Variants in KIF5A observed in about 807,000 individuals in gnomAD.
The protein encoded by KIF5A is kinesin family member 5A, also known as kinesin heavy chain isoform 5A.
In KIF5A, 35 loss-of-function variants were observed where a neutral mutation model predicts 141.3. The ratio of observed to expected loss-of-function variants is 0.25; its 90% CI spans 0.19 to 0.33. The LOEUF is 0.33. KIF5A is among the 10% of genes least tolerant of loss of function. The pLI is 1.00. For missense variants in KIF5A, 861 were observed against 1,314.3 expected, an observed-to-expected ratio of 0.66 and a Z score of 5.33; for synonymous variants, 448 against 500.2, an observed-to-expected ratio of 0.90 and a Z score of 1.39.
chr12:57,583,620 T>G (rs1471982407), intron 28 of KIF5A, among the ~76,000 whole-genome samples: 1 of 152,196 alleles, frequency 6.6e-6, no homozygotes, highest in Non-Finnish European at 1.5e-5. Context: ...TTTGGATGGA[T>G]AGGTGTTTTT....
Position 57,570,005 on chromosome 12 carries a change from C to T in KIF5A, c.1136C>T (p.Thr379Ile). 1 of 1,613,680 alleles carries T rather than the reference C, an allele frequency of 6.2e-7. No individual in the cohort carries two copies. Among genetic ancestry groups the T allele is most frequent in the Non-Finnish European group, 8.5e-7 (1 of 1,179,606 alleles). The change falls in exon 12 of 29, where the codon ACA (threonine) becomes ATA (isoleucine). Residue 379 changes from threonine (T) to isoleucine (I), a missense_variant. By Grantham distance (89) the Thr-to-Ile change is moderately conservative. Around this residue, in one of 5 missense-constraint regions of KIF5A, gnomAD observed 167 missense variants for 192.0 expected, o/e 0.87. Transcript: ENST00000455537. ...RWRNGENVPETERLAGEEAAL... is the reference protein window; with the variant it reads ...RWRNGENVPEIERLAGEEAAL... Reference sequence around the variant, plus strand: ...TTTGCAGGAGAGAATGTGCCTGAGACAGAGCGCCTGGCTGGGGAGGAGGCA... The same window carrying T: ...TTTGCAGGAGAGAATGTGCCTGAGATAGAGCGCCTGGCTGGGGAGGAGGCA...
intron 15 of KIF5A, among the ~76,000 whole-genome samples, chr12:57,574,447 T>G (rs546790955): frequency 8.6e-5 from 13 of 152,002 alleles, no homozygotes; most frequent in Middle Eastern, 3.4e-3. Context: ...TAATTTTTTA[T>G]GTTTTTAGTA....
Position 57,550,542 on chromosome 12 carries a change from C to T in KIF5A, c.129+142C>T. ...CATCCTCTTCCCCGCAGCCCCTCCT[C>T]TCCCCTGCATCAGGATGGCTGGGTG... On this transcript the variant is annotated intron_variant, in intron 1 of 28. Transcript: ENST00000455537. This position sits in a 1 kb window ranked among gnomAD's most constrained non-coding sequence, Gnocchi z 4.6. 1 of 909,530 alleles carries T rather than the reference C, an allele frequency of 1.1e-6. No homozygotes were observed. Among genetic ancestry groups the T allele is most frequent in the South Asian group, 1.6e-5 (1 of 63,746 alleles). 56.3% of individuals were successfully genotyped at this position (909,530 alleles called of 1,614,324 possible). A position where few individuals can be genotyped will look rare whatever the true frequency, so the allele number is the denominator to read the frequency against.
At chr12:57,566,606 T>C (rs1481904805) in intron 6 of KIF5A, among the ~76,000 whole-genome samples, 8 of 147,288 alleles carry the variant, frequency 5.4e-5, no homozygotes, top group African/African-American at 2.0e-4. Context: ...GATGGGATTT[T>C]GCCATGTTGG....
At chr12:57,583,327 A>T in intron 28 of KIF5A, 112 bp downstream of exon 28, 2 of 680,540 alleles carry the variant, frequency 2.9e-6, no homozygotes, top group South Asian at 3.3e-5. Flanking sequence ...TCAAAACTTT[A>T]ATTATGTAGT....
chr12:57,564,311 T>C (rs1881998403), intron 4 of KIF5A, 99 bp downstream of exon 4: 1 of 1,105,364 alleles, frequency 9.0e-7, no homozygotes, highest in Non-Finnish European at 1.4e-6. Context: ...CTTGACTCCC[T>C]TTCCGGTTAC....
At position 57,572,674 on chromosome 12, in the gene KIF5A, T is replaced by C; in HGVS notation, c.1664T>C (p.Met555Thr). 6.2e-7 allele frequency: 1 copy of C among 1,614,192 alleles called. No individual in the cohort carries two copies. The highest frequency in any genetic ancestry group is 8.5e-7 in the Non-Finnish European group (1 of 1,180,034). The change falls in exon 15 of 29, where the codon ATG becomes ACG. Residue 555 changes from methionine (M) to threonine (T), a missense_variant. Met to Thr is a moderately conservative substitution (Grantham distance 81, BLOSUM62 -1). This residue lies in a region of KIF5A where 482 missense variants were observed against 661.3 expected (regional missense o/e 0.73). Transcript: ENST00000455537. The surrounding 1 kb of genome is among the most constrained non-coding windows in gnomAD (Gnocchi z 4.2). ...KRIAEVLNGL[M>T]KDLSEFSVIV... ...ATTGCTGAGGTGCTGAACGGGCTGATGAAGGATCTGAGCGAGTTCAGTGTC... is the reference window on the plus strand; with the variant it reads ...ATTGCTGAGGTGCTGAACGGGCTGACGAAGGATCTGAGCGAGTTCAGTGTC...
intron 6 of KIF5A, 84 bp from the exon 7 acceptor site, chr12:57,567,042 G>T: frequency 1.4e-6 from 1 of 709,564 alleles, no homozygotes; most frequent in Non-Finnish European, 2.1e-6. Flanking sequence ...CATCTCAAAA[G>T]AAAATAATAA....
Position 57,576,327 on chromosome 12 carries a change from G to A in KIF5A, c.2147G>A (p.Arg716Gln), listed in dbSNP as rs554894381. The A allele has an allele frequency of 3.3e-5, 53 of 1,614,018 alleles. No homozygotes were observed. The highest frequency in any genetic ancestry group is 2.2e-4 in the East Asian group (10 of 44,888). ...HREAHHRQLA[R>Q]LRDEINEKQK... ...GAGGCCCATCACCGGCAGCTGGCCC[G>A]GCTCCGGGACGAGATCAACGAGAAG... is the stretch of plus-strand genomic sequence containing the variant. The change falls in exon 19 of 29, where the codon CGG becomes CAG. Residue 716 changes from arginine (R) to glutamine (Q), a missense_variant. Physicochemically the swap from Arg to Gln is conservative, Grantham distance 43. Coordinates refer to ENST00000455537, the MANE Select transcript of KIF5A (RefSeq NM_004984.4).
intron 11 of KIF5A, 67 bp from the exon 12 acceptor site, chr12:57,569,920 A>C (rs1194676340): frequency 1.9e-6 from 3 of 1,557,752 alleles, no homozygotes; most frequent in Non-Finnish European, 1.7e-6. Context: ...ATGGTGAGTG[A>C]GAAGGAAGAA....
At chr12:57,584,182 C>G (rs1882689826) in intron 28 of KIF5A, 36 bp from the exon 29 acceptor site, 1 of 152,524 alleles carries the variant, frequency 6.6e-6, no homozygotes, top group Non-Finnish European at 1.5e-5. Flanking sequence ...GAGCTACAAG[C>G]TGGGCCCTCA....
intron 7 of KIF5A, 106 bp from the exon 8 acceptor site, chr12:57,567,388 G>C (rs1882097194): frequency 6.9e-7 from 1 of 1,452,746 alleles, no homozygotes; most frequent in Admixed American, 1.8e-5. Context: ...AGTCCTGGTG[G>C]GCACCTTCTC....
rs959687965 is a variant in KIF5A at position 57,574,967 on chromosome 12, C to G, written c.1717-117C>G. 4 of 866,122 alleles carry G rather than the reference C, an allele frequency of 4.6e-6. No individual in the cohort carries two copies. The African/African-American group carries it at 5.0e-5, about 11-fold the overall frequency. The allele number at this position is 866,122 out of a possible 1,614,324, so 53.7% of individuals were successfully genotyped here. On this transcript the variant is annotated intron_variant, in intron 15 of 28. Transcript: ENST00000455537. ...GCTGCTAAAGGTCGTTTGGAAAATACCCATCCCATTTGAGTCCCTGCGTAT... is the reference window on the plus strand; with the variant it reads ...GCTGCTAAAGGTCGTTTGGAAAATAGCCATCCCATTTGAGTCCCTGCGTAT...
At chr12:57,559,238 G>A (rs993623808) in intron 1 of KIF5A, among the ~76,000 whole-genome samples, 1 of 152,198 alleles carries the variant, frequency 6.6e-6, no homozygotes, top group African/African-American at 2.4e-5. Flanking sequence ...TTTTCGAAGT[G>A]GAGGTCATAA....
intron 17 of KIF5A, 92 bp downstream of exon 17, chr12:57,575,849 A>G (rs759646090): frequency 1.1e-5 from 11 of 1,043,566 alleles, no homozygotes; most frequent in Admixed American, 3.4e-5. Context: ...CACTCAAAGC[A>G]TTAGCTTGAA....
intron 19 of KIF5A, 119 bp downstream of exon 19, chr12:57,576,497 C>T: frequency 1.2e-6 from 1 of 821,220 alleles, no homozygotes; most frequent in South Asian, 1.4e-5. Context: ...CTCAACAATG[C>T]CACAACTTCG....
rs995328377 is a variant in KIF5A, at chr12:57,576,958, T to G, written c.2300+96T>G. 4.6e-6 allele frequency: 4 copies of G among 875,474 alleles called. No individual in the cohort carries two copies. In the African/African-American group the frequency reaches 6.6e-5, roughly 15 times the overall value. The allele number at this position is 875,474 out of a possible 1,614,324, so 54.2% of individuals were successfully genotyped here. ...CAGAGGCAGGACACACATGCAGACA[T>G]GATAGGGTGACTCATGGGAAAAATA... On this transcript the variant is annotated intron_variant, in intron 20 of 28. Transcript: ENST00000455537.
chr12:57,581,185 TAGC>T lies in KIF5A; in HGVS notation c.2755+16_2755+18del. 1.9e-6 allele frequency: 3 copies of T among 1,611,718 alleles called. No homozygotes were observed. The highest frequency in any genetic ancestry group is 2.5e-6 in the Non-Finnish European group (3 of 1,178,992). ...TCTGCCCAGATTGGTGAGTAGGTGTTAGCAGGCAAGGTGGGAGTATCTCCTGAA... is the reference window on the plus strand; with the variant it reads ...TCTGCCCAGATTGGTGAGTAGGTGTTAGGCAAGGTGGGAGTATCTCCTGAA... On this transcript the variant is annotated intron_variant, in intron 24 of 28. Coordinates refer to ENST00000455537, the MANE Select transcript of KIF5A (RefSeq NM_004984.4).
At chr12:57,583,965 C>G (rs2140173589) in intron 28 of KIF5A, among the ~76,000 whole-genome samples, 1 of 152,144 alleles carries the variant, frequency 6.6e-6, no homozygotes, top group Non-Finnish European at 1.5e-5. Context: ...CAGGGGTTTC[C>G]CAGAATAGTA....
Sources: gnomAD v4.1 joint callset for allele counts (sites outside exome capture counted in the v4.1 genomes callset) on GRCh38, gnomAD v4.1.1 for gene constraint, gnomAD v4.1.1 regional missense constraint, Gnocchi (gnomAD v3.1) non-coding constraint, MANE v1.5 for transcripts, NCBI Gene and HGNC (gene_info 2026-07-23, HGNC 2026-07-21) for gene names.